GAD2: variants seen among roughly 807,000 people sequenced by gnomAD.
GAD2 encodes 65 kDa glutamic acid decarboxylase.
A neutral mutation model predicts 80.1 loss-of-function variants in GAD2; 22 were observed. The ratio of observed to expected loss-of-function variants is 0.27; its 90% CI spans 0.20 to 0.39. GAD2 has a LOEUF of 0.39. Among genes scored for constraint, GAD2 ranks in the 10% least tolerant of loss-of-function variants. The probability of loss-of-function intolerance (pLI) is 1.00; values close to 1 mark genes in which losing one functional copy is unlikely to be tolerated. For missense variants in GAD2, 624 were observed against 738.4 expected (o/e 0.85, Z 1.80); for synonymous variants, 274 against 256.9 (o/e 1.07, Z -0.64).
chr10:26,219,788 T>C (rs1844430995), intron 4 of GAD2, among the ~76,000 whole-genome samples: 1 of 152,196 alleles, frequency 6.6e-6, no homozygotes, highest in African/African-American at 2.4e-5. Flanking sequence ...ACCTTTCAGA[T>C]TTGAATTCAG....
intron 10 of GAD2, among the ~76,000 whole-genome samples, chr10:26,271,608 A>G (rs117852002): frequency 0.011 from 1,617 of 152,316 alleles, 15 homozygotes; most frequent in Non-Finnish European, 0.016. Context: ...AGACTTTCTC[A>G]GTGAAGGAAC....
At chr10:26,223,278 G>C (rs1164958478) in intron 4 of GAD2, among the ~76,000 whole-genome samples, 1 of 152,214 alleles carries the variant, frequency 6.6e-6, no homozygotes, top group Non-Finnish European at 1.5e-5. Flanking sequence ...CTTTGTCCAT[G>C]CCATCTTTAG....
At chr10:26,272,414 T>C (rs940612294) in intron 10 of GAD2, among the ~76,000 whole-genome samples, 76 of 152,294 alleles carry the variant, frequency 5.0e-4, no homozygotes, top group African/African-American at 1.6e-3. Context: ...CCTACTTAAA[T>C]TAGAACTAGG....
In GAD2 at chr10:26,300,819, A is replaced by C; in HGVS notation, c.1616A>C (p.Glu539Ala). The change falls in exon 16 of 16, where the codon GAG becomes GCG. Residue 539 changes from glutamate to alanine, a missense_variant. Physicochemically the swap from Glu to Ala is moderately radical, Grantham distance 107 (BLOSUM62 -1). Coordinates refer to ENST00000376261, the MANE Select transcript of GAD2 (RefSeq NM_001134366.2). ...CCAGTGATTAAAGCCAGAATGATGG[A>C]GTATGGAACCACAATGGTCAGCTAC... ...VAPVIKARMM[E>A]YGTTMVSYQP... 2.5e-6 allele frequency: 4 copies of C among 1,613,844 alleles called. No individual in the cohort carries two copies.
In GAD2 at chr10:26,217,458, G is replaced by A. The variant is rs1391116161; in HGVS notation, c.77-152G>A. ...AGCCTCCCGCTTGCCTTCTGCACCT[G>A]CCGGCCTCACCGAGTCCTGAGCGGC... On this transcript the variant is annotated intron_variant, in intron 1 of 15. Transcript: ENST00000376261. This position sits in a 1 kb window ranked among gnomAD's most constrained non-coding sequence, Gnocchi z 4.9. The A allele has an allele frequency of 2.7e-6, 2 of 752,684 alleles. No individual in the cohort carries two copies. The highest frequency in any genetic ancestry group is 1.7e-5 in the African/African-American group (1 of 57,818). 46.6% of individuals were successfully genotyped at this position (752,684 alleles called of 1,614,324 possible).
intron 8 of GAD2, among the ~76,000 whole-genome samples, chr10:26,262,238 A>G (rs1438930004): frequency 6.7e-6 from 1 of 148,716 alleles, no homozygotes; most frequent in Non-Finnish European, 1.5e-5. Flanking sequence ...GATTTTTGGT[A>G]ACTTTTCTCC....
At chr10:26,250,193 C>T (rs1025552437) in intron 8 of GAD2, among the ~76,000 whole-genome samples, 3 of 151,924 alleles carry the variant, frequency 2.0e-5, no homozygotes, top group Admixed American at 1.3e-4. Context: ...TTTGTTTGTT[C>T]GTTATAGAGA....
chr10:26,238,047 C>A (rs906094659), intron 7 of GAD2, among the ~76,000 whole-genome samples: 4 of 142,250 alleles, frequency 2.8e-5, no homozygotes, highest in African/African-American at 1.0e-4. Flanking sequence ...CACACACACA[C>A]AAGAAAAGAA....
intron 7 of GAD2, among the ~76,000 whole-genome samples, chr10:26,230,157 G>A (rs1047505419): frequency 2.0e-5 from 3 of 151,926 alleles, no homozygotes; most frequent in African/African-American, 4.8e-5. Flanking sequence ...GAAAGAGCAA[G>A]ACCCTGTCTA....
intron 3 of GAD2, 65 bp from the exon 4 acceptor site, chr10:26,218,978 C>G (rs990633039): frequency 7.2e-6 from 9 of 1,245,854 alleles, no homozygotes; most frequent in Non-Finnish European, 8.8e-6. Context: ...ATTGCCTCAT[C>G]AAGATCTTGC....
intron 11 of GAD2, among the ~76,000 whole-genome samples, chr10:26,279,332 A>G (rs1340117194): frequency 1.3e-5 from 2 of 152,232 alleles, no homozygotes; most frequent in East Asian, 3.8e-4. Flanking sequence ...TGTTCCAGGA[A>G]GAGGAAACAG....
chr10:26,260,933 T>C (rs1845002288), intron 8 of GAD2, among the ~76,000 whole-genome samples: 1 of 152,244 alleles, frequency 6.6e-6, no homozygotes, highest in African/African-American at 2.4e-5. Flanking sequence ...TATATACTTA[T>C]GGGGTACATG....
chr10:26,274,812 T>G (rs2132307900), intron 11 of GAD2, among the ~76,000 whole-genome samples: 1 of 152,122 alleles, frequency 6.6e-6, no homozygotes, highest in South Asian at 2.1e-4. Flanking sequence ...CCCACCAAAT[T>G]AATGGAAAGA....
chr10:26,270,902 C>T, intron 10 of GAD2, 146 bp downstream of exon 10: 1 of 686,860 alleles, frequency 1.5e-6, no homozygotes, highest in South Asian at 1.7e-5. Flanking sequence ...CTGGATGAAG[C>T]AAATTAGCAC....
At chr10:26,294,387 C>T (rs914802180) in intron 15 of GAD2, among the ~76,000 whole-genome samples, 5 of 152,190 alleles carry the variant, frequency 3.3e-5, no homozygotes, top group African/African-American at 7.2e-5. Flanking sequence ...AACTCCTCAT[C>T]GGGAGGAAAC....
intron 7 of GAD2, among the ~76,000 whole-genome samples, chr10:26,234,220 A>T (rs1844641915): frequency 6.6e-6 from 1 of 151,516 alleles, no homozygotes; most frequent in African/African-American, 2.4e-5. Flanking sequence ...GCTACTCGGG[A>T]GGCTGAGGCA....
intron 15 of GAD2, among the ~76,000 whole-genome samples, chr10:26,295,506 A>G (rs1331566655): frequency 7.2e-6 from 1 of 139,514 alleles, no homozygotes; most frequent in Non-Finnish European, 1.6e-5. Flanking sequence ...ATTCATACGC[A>G]TGCACACACA....
chr10:26,266,100 A>G (rs914926266), intron 8 of GAD2, among the ~76,000 whole-genome samples: 2 of 152,268 alleles, frequency 1.3e-5, no homozygotes, highest in Non-Finnish European at 2.9e-5. Flanking sequence ...ACTGATGAAC[A>G]TGCAAATTCT....
At chr10:26,220,747 C>A (rs899352420) in intron 4 of GAD2, among the ~76,000 whole-genome samples, 43 of 152,132 alleles carry the variant, frequency 2.8e-4, no homozygotes, top group African/African-American at 9.9e-4. Flanking sequence ...TGCTACCAAA[C>A]CAAAAAGAAC....
Sources: gnomAD v4.1 joint callset for allele counts (sites outside exome capture counted in the v4.1 genomes callset) on GRCh38, gnomAD v4.1.1 for gene constraint, Gnocchi (gnomAD v3.1) non-coding constraint, MANE v1.5 for transcripts, NCBI Gene and HGNC (gene_info 2026-07-23, HGNC 2026-07-21) for gene names.